NTF3: variants seen among roughly 807,000 people sequenced by gnomAD.
NTF3 encodes the protein neurotrophin-3.
NTF3 carries 8 observed loss-of-function variants against 26.3 expected under a neutral mutation model. That is an observed-to-expected ratio of 0.30 (90% CI 0.18 to 0.55). The LOEUF (loss-of-function observed/expected upper bound fraction) is 0.55, where lower values mean the gene tolerates loss of function less well. Ranked by LOEUF, NTF3 falls within the 20% of genes least tolerant of loss-of-function variation. The pLI is 0.93. For synonymous variants in NTF3, 154 were observed against 145.5 expected, an observed-to-expected ratio of 1.06 and a Z score of -0.42; for missense variants, 276 against 352.9, an observed-to-expected ratio of 0.78 and a Z score of 1.75.
At chr12:5,484,777 T>TA (rs1184684581) in intron 1 of NTF3, among the ~76,000 whole-genome samples, 2 of 152,076 alleles carry the variant, frequency 1.3e-5, no homozygotes, top group Admixed American at 6.6e-5. Context: ...AACTTAACAA[T>TA]AAAAAACTGT....
At chr12:5,487,385 G>A (rs1940879628) in intron 1 of NTF3, among the ~76,000 whole-genome samples, 1 of 152,186 alleles carries the variant, frequency 6.6e-6, no homozygotes, top group South Asian at 2.1e-4. Context: ...CTCCATCTCG[G>A]TCCACTTAGC....
At chr12:5,483,397 T>C (rs1358702421) in intron 1 of NTF3, among the ~76,000 whole-genome samples, 2 of 152,024 alleles carry the variant, frequency 1.3e-5, no homozygotes, top group South Asian at 4.2e-4. Context: ...CAGCCCCGAG[T>C]AGTTGGTAAA....
At chr12:5,477,986 T>G (rs11063699) in intron 1 of NTF3, among the ~76,000 whole-genome samples, 39,742 of 152,128 alleles carry the variant, frequency 0.26, 5,360 homozygotes, top group South Asian at 0.34. Context: ...TGGTGACTGC[T>G]TTCGTCTCAA....
At chr12:5,472,946 T>G (rs939410820) in intron 1 of NTF3, among the ~76,000 whole-genome samples, 1 of 152,170 alleles carries the variant, frequency 6.6e-6, no homozygotes, top group African/African-American at 2.4e-5. Flanking sequence ...TCCAGCATTA[T>G]TTTTCTTTGG....
rs139115953 is a variant in NTF3 at position 5,437,942 on chromosome 12, A to G, written c.18+5600A>G. On this transcript the variant is annotated intron_variant, in intron 1 of 1. Coordinates refer to ENST00000423158, the MANE Select transcript of NTF3 (RefSeq NM_001102654.2). ...TGCCCTGGGTAGATGGGGCATTTGT[A>G]GAGCTTATGTTATGGGTGGCAGGTA... is the stretch of plus-strand genomic sequence containing the variant. Among the ~76,000 whole-genome samples the G allele has an allele frequency of 1.1e-3, 162 of 152,258 alleles. 1 individual carries two copies. Among genetic ancestry groups the G allele is most frequent in the Non-Finnish European group, 1.8e-3 (122 of 68,010 alleles).
At chr12:5,441,635 G>T (rs1940237967) in intron 1 of NTF3, among the ~76,000 whole-genome samples, 1 of 152,160 alleles carries the variant, frequency 6.6e-6, no homozygotes, top group South Asian at 2.1e-4. Context: ...TCATTTTTGT[G>T]TCCCCCACCT....
At chr12:5,457,468 C>T (rs956598165) in intron 1 of NTF3, among the ~76,000 whole-genome samples, 1 of 152,064 alleles carries the variant, frequency 6.6e-6, no homozygotes, top group Admixed American at 6.6e-5. Flanking sequence ...GGTAGGATAC[C>T]ACGGCATCCT....
chr12:5,476,366 T>C (rs1940723687), intron 1 of NTF3, among the ~76,000 whole-genome samples: 2 of 152,004 alleles, frequency 1.3e-5, no homozygotes, highest in African/African-American at 2.4e-5. Flanking sequence ...CTTGAGGAGA[T>C]AGGAGCAGCT....
At chr12:5,481,212 T>C (rs1413330234) in intron 1 of NTF3, among the ~76,000 whole-genome samples, 1 of 152,086 alleles carries the variant, frequency 6.6e-6, no homozygotes, top group Non-Finnish European at 1.5e-5. Context: ...AGCAATTTGA[T>C]GCCGGACTGG....
intron 1 of NTF3, among the ~76,000 whole-genome samples, chr12:5,481,803 C>T (rs1230289985): frequency 7.0e-6 from 1 of 143,570 alleles, no homozygotes; most frequent in Non-Finnish European, 1.5e-5. Flanking sequence ...ACACCACACT[C>T]ATACAGAGAC....
chr12:5,462,057 T>C (rs778045321), intron 1 of NTF3, among the ~76,000 whole-genome samples: 1 of 152,204 alleles, frequency 6.6e-6, no homozygotes, highest in Non-Finnish European at 1.5e-5. Context: ...TATGTCTTAG[T>C]GCAGGGATGA....
Position 5,494,594 on chromosome 12 carries a change from C to T in NTF3, c.419C>T (p.Pro140Leu), listed in dbSNP as rs1291030186. The T allele has an allele frequency of 1.2e-6, 2 of 1,613,946 alleles. No homozygotes were observed. The highest frequency in any genetic ancestry group is 2.2e-5 in the East Asian group (1 of 44,878). The change falls in exon 2 of 2, where the codon CCC (proline) becomes CTC (leucine). Residue 140 changes from proline (P) to leucine (L), a missense_variant. Pro to Leu is a moderately conservative substitution (Grantham distance 98, BLOSUM62 -3). Coordinates refer to ENST00000423158, the MANE Select transcript of NTF3 (RefSeq NM_001102654.2). This position sits in a 1 kb window ranked among gnomAD's most constrained non-coding sequence, Gnocchi z 8.3. ...LYLMEDYVGS[P>L]VVANRTSRRK... ...CTCATGGAGGATTACGTGGGCAGCC[C>T]CGTGGTGGCGAACAGAACATCACGG...
rs1343595285 is a variant in NTF3, at chr12:5,494,720, G to A, written c.545G>A (p.Arg182Gln). 3 of 1,614,138 alleles carry A rather than the reference G, an allele frequency of 1.9e-6. No homozygotes were observed. The highest frequency in any genetic ancestry group is 1.6e-4 in the Middle Eastern group (1 of 6,062). ...VTDKSSAIDIRGHQVTVLGEI... is the reference protein window; with the variant it reads ...VTDKSSAIDIQGHQVTVLGEI... ...GACAAGTCATCGGCCATCGACATTC[G>A]GGGACACCAGGTCACGGTGCTGGGG... Residue 182 changes from arginine to glutamine, a missense_variant, in exon 2 of 2, where the codon CGG becomes CAG. Arg to Gln is a conservative substitution (Grantham distance 43). Coordinates refer to ENST00000423158, the MANE Select transcript of NTF3 (RefSeq NM_001102654.2). This position sits in a 1 kb window ranked among gnomAD's most constrained non-coding sequence, Gnocchi z 8.3.
Position 5,494,355 on chromosome 12 carries a change from G to T in NTF3, c.180G>T (p.Lys60Asn), listed in dbSNP as rs1326532997. ...KLIQADILKN[K>N]LSKQMVDVKE... ...TCCAGGCAGATATTTTGAAAAACAA[G>T]CTCTCCAAGCAGATGGTGGACGTTA... Residue 60 changes from lysine (K) to asparagine (N), a missense_variant, in exon 2 of 2, where the codon AAG (lysine) becomes AAT (asparagine). By Grantham distance (94) the Lys-to-Asn change is moderately conservative. Transcript: ENST00000423158. The surrounding 1 kb of genome is among the most constrained non-coding windows in gnomAD (Gnocchi z 8.3). 1 of 1,614,044 alleles carries T rather than the reference G, an allele frequency of 6.2e-7. No individual in the cohort carries two copies. Among genetic ancestry groups the T allele is most frequent in the Middle Eastern group, 1.6e-4 (1 of 6,062 alleles).
Position 5,433,521 on chromosome 12 carries a change from C to T in NTF3, c.18+1179C>T, listed in dbSNP as rs536794482. Among the ~76,000 whole-genome samples, 59 of 151,686 alleles carry T rather than the reference C, an allele frequency of 3.9e-4. 1 individual carries two copies. In the South Asian group the frequency reaches 0.011, roughly 29 times the overall value. On this transcript the variant is annotated intron_variant, in intron 1 of 1. Coordinates refer to ENST00000423158, the MANE Select transcript of NTF3 (RefSeq NM_001102654.2). The surrounding 1 kb of genome is among the most constrained non-coding windows in gnomAD (Gnocchi z 4.6). ...GTTGCTCTCCGCGGGAGTGGGTGCGCGTCCAGGAGGCGCTGCTTCTTTGCG... is the reference window on the plus strand; with the variant it reads ...GTTGCTCTCCGCGGGAGTGGGTGCGTGTCCAGGAGGCGCTGCTTCTTTGCG...
chr12:5,482,428 T>C (rs551588449), intron 1 of NTF3, among the ~76,000 whole-genome samples: 1 of 152,310 alleles, frequency 6.6e-6, no homozygotes, highest in African/African-American at 2.4e-5. Flanking sequence ...GCTGCATTGA[T>C]AGCACCCGCA....
intron 1 of NTF3, among the ~76,000 whole-genome samples, chr12:5,474,674 G>A (rs1940701682): frequency 6.6e-6 from 1 of 152,210 alleles, no homozygotes; most frequent in Non-Finnish European, 1.5e-5. Context: ...CCAGTGCGGG[G>A]AAGAAATGAT....
chr12:5,471,263 C>T (rs923163072), intron 1 of NTF3, among the ~76,000 whole-genome samples: 2 of 152,154 alleles, frequency 1.3e-5, no homozygotes, highest in African/African-American at 4.8e-5. Context: ...ATTCATATTT[C>T]TCCTAGCGTC....
intron 1 of NTF3, among the ~76,000 whole-genome samples, chr12:5,461,906 C>T (rs1940530581): frequency 6.6e-6 from 1 of 152,120 alleles, no homozygotes; most frequent in African/African-American, 2.4e-5. Context: ...ACTCGTAAGA[C>T]TTGGAAAAGA....
Sources: allele counts gnomAD v4.1 joint callset (sites outside exome capture counted in the v4.1 genomes callset), GRCh38; gene constraint gnomAD v4.1.1; non-coding constraint Gnocchi (gnomAD v3.1); transcripts MANE v1.5; gene names NCBI Gene and HGNC (gene_info 2026-07-23, HGNC 2026-07-21).